SLC17A1: variants seen among roughly 807,000 people sequenced by gnomAD.
SLC17A1 encodes the protein solute carrier family 17 member 1.
A neutral mutation model predicts 53.5 loss-of-function variants in SLC17A1; 51 were observed. The observed-to-expected ratio is 0.95, with a 90% CI of 0.76 to 1.20. The LOEUF (loss-of-function observed/expected upper bound fraction) is 1.20. Ranked by LOEUF, SLC17A1 falls within the 50% of genes most tolerant of loss-of-function variation. SLC17A1 has a pLI of 0.00. For missense variants in SLC17A1, 538 were observed against 568.2 expected (o/e 0.95, Z 0.54); for synonymous variants, 179 against 198.8 (o/e 0.90, Z 0.84).
chr6:25,824,432 A>G lies in SLC17A1; in HGVS notation c.207+2029T>C, dbSNP rs531466973. The stretch of plus-strand genomic sequence containing the variant: ...ATAAACAAAAAATTTAAAAAAGAAT[A>G]AATGAAAGTGGAAAATATTTTATTT... On this transcript the variant is annotated intron_variant, in intron 3 of 12. Transcript: ENST00000244527. Among the ~76,000 whole-genome samples, 23 of 151,808 alleles carry G rather than the reference A, an allele frequency of 1.5e-4. No individual in the cohort carries two copies. In the South Asian group the frequency reaches 4.6e-3, roughly 30 times the overall value.
At chr6:25,740,883 G>A in the SLC17A1 span, among the ~76,000 whole-genome samples, 2 of 152,264 alleles carry the variant, frequency 1.3e-5, no homozygotes, top group Non-Finnish European at 2.9e-5. Flanking sequence ...CAACGTGGGC[G>A]AACCTGGAGG....
chr6:25,804,978 C>T (rs955557031), intron 10 of SLC17A1, among the ~76,000 whole-genome samples: 5 of 151,986 alleles, frequency 3.3e-5, no homozygotes, highest in South Asian at 2.1e-4. Flanking sequence ...ACAGATCATC[C>T]AGACAGAAAG....
chr6:25,760,453 T>G, the SLC17A1 span, among the ~76,000 whole-genome samples: 32 of 152,304 alleles, frequency 2.1e-4, no homozygotes, highest in African/African-American at 7.2e-4. Context: ...GGTGTAAATT[T>G]CATTTCATTT....
the SLC17A1 span, among the ~76,000 whole-genome samples, chr6:25,740,128 TA>T: frequency 2.0e-5 from 3 of 152,130 alleles, no homozygotes; most frequent in Admixed American, 6.5e-5. Context: ...TCATATCCAT[TA>T]GTTACTAGGG....
chr6:25,767,312 A>G, the SLC17A1 span, among the ~76,000 whole-genome samples: 2 of 152,222 alleles, frequency 1.3e-5, no homozygotes, highest in Non-Finnish European at 2.9e-5. Flanking sequence ...TAAATTTTGT[A>G]ATAGCCTATT....
chr6:25,777,816 T>A, the SLC17A1 span: 1 of 825,916 alleles, frequency 1.2e-6, no homozygotes. Context: ...GCAGACCAGC[T>A]GATATTAACC....
In SLC17A1 at chr6:25,826,527, C is replaced by T; in HGVS notation, c.141G>A (p.Met47Ile). ...RACLNLTMVV[M>I]VNSTDPHGLP... is the part of the protein sequence containing the mutation. ...AACCATGTGGATCTGTGCTATTCAC[C>T]ATGACTACCATTGTGAGGTTCAGGC... The change falls in exon 3 of 13, where the codon ATG (methionine) becomes ATA (isoleucine). Residue 47 changes from methionine (M) to isoleucine (I), a missense_variant. Physicochemically the swap from Met to Ile is conservative, Grantham distance 10. Coordinates refer to ENST00000244527, the MANE Select transcript of SLC17A1 (RefSeq NM_005074.5). The T allele has an allele frequency of 6.2e-7, 1 of 1,611,504 alleles. No homozygotes were observed. The highest frequency in any genetic ancestry group is 1.1e-5 in the South Asian group (1 of 90,904).
chr6:25,770,155 GC>G, the SLC17A1 span: 4 of 1,613,944 alleles, frequency 2.5e-6, no homozygotes, highest in South Asian at 4.4e-5. Flanking sequence ...ATCCCCAGTG[GC>G]TATGTGGCTG....
At chr6:25,726,517 C>A in the SLC17A1 span, 1 of 1,608,492 alleles carries the variant, frequency 6.2e-7, no homozygotes, top group South Asian at 1.1e-5. Context: ...CTGCTTCCCT[C>A]GTCCAGACAT....
At chr6:25,751,965 A>G in the SLC17A1 span, among the ~76,000 whole-genome samples, 1 of 152,228 alleles carries the variant, frequency 6.6e-6, no homozygotes, top group Non-Finnish European at 1.5e-5. Context: ...TTTTGTTCCT[A>G]TATGCCTTAT....
chr6:25,795,467 GT>G (rs1763584231), intron 12 of SLC17A1, among the ~76,000 whole-genome samples: 1 of 152,176 alleles, frequency 6.6e-6, no homozygotes. Context: ...AATTGCTAGA[GT>G]CAGGCAAGGA....
chr6:25,755,044 C>CAT, the SLC17A1 span, among the ~76,000 whole-genome samples: 2 of 88,484 alleles, frequency 2.3e-5, no homozygotes, highest in African/African-American at 8.1e-5. Context: ...CAGACACACA[C>CAT]ACATACACAC....
chr6:25,726,632 T>A, the SLC17A1 span: 2 of 1,363,038 alleles, frequency 1.5e-6, no homozygotes, highest in Non-Finnish European at 1.0e-6. Context: ...GATTGGCTGA[T>A]GGCCGTCTAC....
chr6:25,781,473 G>A (rs928201664), downstream of SLC17A1, among the ~76,000 whole-genome samples: 1 of 150,964 alleles, frequency 6.6e-6, no homozygotes, highest in African/African-American at 2.4e-5. Context: ...GGGTATGAAA[G>A]GGTGGTGTCT....
chr6:25,826,423 T>C, intron 3 of SLC17A1, 38 bp downstream of exon 3: 1 of 1,518,564 alleles, frequency 6.6e-7, no homozygotes, highest in Non-Finnish European at 8.9e-7. Context: ...CAAGACAGGC[T>C]TTTAAACATT....
At chr6:25,800,824 A>T (rs1034119053) in intron 11 of SLC17A1, 66 bp downstream of exon 11, 45 of 1,002,496 alleles carry the variant, frequency 4.5e-5, no homozygotes, top group Non-Finnish European at 6.4e-5. Flanking sequence ...GCAATTTTTC[A>T]TATGTGTAAT....
the SLC17A1 span, chr6:25,726,474 G>C: frequency 6.2e-7 from 1 of 1,613,820 alleles, no homozygotes; most frequent in Non-Finnish European, 8.5e-7. Flanking sequence ...CTCTAGAAGA[G>C]CGAGACTTAG....
At chr6:25,796,999 C>T (rs754471315) in intron 12 of SLC17A1, among the ~76,000 whole-genome samples, 14 of 152,222 alleles carry the variant, frequency 9.2e-5, no homozygotes, top group Admixed American at 2.0e-4. Context: ...CCAACCCTGG[C>T]TGTGGTGCTT....
At chr6:25,779,062 G>A (rs1490397626), downstream of SLC17A1, 1 of 1,613,660 alleles carries the variant, frequency 6.2e-7, no homozygotes, top group Non-Finnish European at 8.5e-7. Context: ...AGGATTCAGA[G>A]TTTGGTTGGA....
Sources: gnomAD v4.1 joint callset for allele counts (sites outside exome capture counted in the v4.1 genomes callset) on GRCh38, gnomAD v4.1.1 for gene constraint, MANE v1.5 for transcripts, NCBI Gene and HGNC (gene_info 2026-07-23, HGNC 2026-07-21) for gene names.